Variants in CCNYL1 observed in about 807,000 individuals in gnomAD.
CCNYL1 encodes the protein cyclin-Y-like protein 1.
Under a neutral mutation model 44.2 loss-of-function variants are expected in CCNYL1, and 16 were observed. The observed-to-expected ratio is 0.36, with a 90% CI of 0.25 to 0.55. CCNYL1 has a LOEUF of 0.55. Ranked by LOEUF, CCNYL1 falls within the 20% of genes least tolerant of loss-of-function variation. The probability of loss-of-function intolerance (pLI) is 0.85; values close to 1 mark genes in which losing one functional copy is unlikely to be tolerated. For missense variants in CCNYL1, 348 were observed against 451.8 expected, an observed-to-expected ratio of 0.77 and a Z score of 2.08; for synonymous variants, 159 against 163.2, an observed-to-expected ratio of 0.97 and a Z score of 0.20.
chr2:207,717,415 C>T (rs190683324), intron 1 of CCNYL1, among the ~76,000 whole-genome samples: 3 of 152,252 alleles, frequency 2.0e-5, no homozygotes, highest in East Asian at 3.9e-4. Flanking sequence ...GGCTGTGTTC[C>T]AGATTTAGGG....
intron 4 of CCNYL1, among the ~76,000 whole-genome samples, chr2:207,734,574 A>T (rs965174965): frequency 8.0e-6 from 1 of 125,210 alleles, no homozygotes; most frequent in Non-Finnish European, 2.0e-5. Context: ...AAGTTTATTT[A>T]AAAACCAACA....
At position 207,729,704 on chromosome 2, in the gene CCNYL1, C is replaced by A. The variant is rs527791308; in HGVS notation, c.330+2828C>A. 7.2e-5 allele frequency among the ~76,000 whole-genome samples: 11 copies of A among 151,926 alleles called. No individual in the cohort carries two copies. The East Asian group carries it at 1.9e-3, about 27-fold the overall frequency. Reference sequence around the variant, plus strand: ...TCCCCTTTCCTTTCTCCTGTCCTATCCTTTCCTTTGCTTTTCTTTCTGAGA... The same window carrying A: ...TCCCCTTTCCTTTCTCCTGTCCTATACTTTCCTTTGCTTTTCTTTCTGAGA... On this transcript the variant is annotated intron_variant, in intron 3 of 9. Transcript: ENST00000295414.
intron 8 of CCNYL1, among the ~76,000 whole-genome samples, chr2:207,750,444 G>GT (rs781471037): frequency 9.2e-5 from 14 of 152,240 alleles, no homozygotes; most frequent in Non-Finnish European, 2.1e-4. Context: ...TGCCTCAAGA[G>GT]TTTTTCCCCC....
At chr2:207,725,600 A>G (rs557337284) in intron 2 of CCNYL1, among the ~76,000 whole-genome samples, 11 of 152,352 alleles carry the variant, frequency 7.2e-5, no homozygotes, top group African/African-American at 2.4e-4. Context: ...CTTTTATACA[A>G]TGCTCTAACC....
chr2:207,750,882 G>A (rs1270997854), intron 8 of CCNYL1, 75 bp from the exon 9 acceptor site: 1 of 1,308,802 alleles, frequency 7.6e-7, no homozygotes, highest in Admixed American at 2.0e-5. Context: ...TAGTCTCTTA[G>A]AATGATATTT....
intron 7 of CCNYL1, among the ~76,000 whole-genome samples, chr2:207,746,708 G>A (rs545057685): frequency 3.9e-5 from 6 of 152,286 alleles, no homozygotes; most frequent in Admixed American, 1.3e-4. Flanking sequence ...GGCCGGGCGC[G>A]GTGGCTTACG....
chr2:207,733,169 C>T (rs1055142554), intron 3 of CCNYL1, among the ~76,000 whole-genome samples: 2 of 152,154 alleles, frequency 1.3e-5, no homozygotes, highest in African/African-American at 4.8e-5. Flanking sequence ...CAAGGTATTC[C>T]AGGCAGAGCA....
chr2:207,713,493 G>T (rs911111888), intron 1 of CCNYL1, among the ~76,000 whole-genome samples: 7 of 152,160 alleles, frequency 4.6e-5, no homozygotes, highest in African/African-American at 1.7e-4. Flanking sequence ...TTTGCCTTTA[G>T]AATTTTGGAA....
intron 1 of CCNYL1, among the ~76,000 whole-genome samples, chr2:207,718,098 G>A (rs1051223101): frequency 6.6e-5 from 10 of 151,784 alleles, no homozygotes; most frequent in African/African-American, 2.4e-4. Context: ...TAGAGATGGG[G>A]TTTCTCCGTG....
intron 7 of CCNYL1, among the ~76,000 whole-genome samples, chr2:207,745,218 C>T (rs575946520): frequency 3.9e-5 from 6 of 152,176 alleles, no homozygotes; most frequent in African/African-American, 4.8e-5. Flanking sequence ...AAAGGAAACA[C>T]GTTGGGGAAA....
At chr2:207,753,015 G>A (rs1164082166) in intron 9 of CCNYL1, among the ~76,000 whole-genome samples, 1 of 150,120 alleles carries the variant, frequency 6.7e-6, no homozygotes, top group African/African-American at 2.5e-5. Context: ...GGCAACGAGC[G>A]AAACTCTGCC....
At chr2:207,718,514 AAAG>A (rs958436382) in intron 1 of CCNYL1, among the ~76,000 whole-genome samples, 12 of 152,216 alleles carry the variant, frequency 7.9e-5, no homozygotes, top group African/African-American at 2.9e-4. Context: ...AAAAAAAAAA[AAAG>A]ATCAGACTAG....
intron 2 of CCNYL1, 135 bp downstream of exon 2, chr2:207,725,009 AAT>A: frequency 1.6e-6 from 1 of 644,152 alleles, no homozygotes; most frequent in Admixed American, 3.3e-5. Context: ...CACTGATTTT[AAT>A]ATGTGATATA....
chr2:207,743,256 G>C (rs1230244399), intron 7 of CCNYL1, among the ~76,000 whole-genome samples: 4 of 152,220 alleles, frequency 2.6e-5, no homozygotes, highest in Admixed American at 2.6e-4. Context: ...CAGATGTAGA[G>C]AGACAGGTGA....
Position 207,711,754 on chromosome 2 carries a change from G to A in CCNYL1, c.-143G>A, listed in dbSNP as rs1453509733. On this transcript the variant is annotated 5_prime_UTR_variant, in exon 1 of 10. Coordinates refer to ENST00000295414, the MANE Select transcript of CCNYL1 (RefSeq NM_001330218.2). ...CGGGCGGGCGAACCGCGGGCGAGGC[G>A]GCGTCTGCTTGCGCGGTGCAGCCCC... The A allele has an allele frequency of 2.3e-6, 1 of 437,014 alleles. No homozygotes were observed. The highest frequency in any genetic ancestry group is 3.9e-5 in the East Asian group (1 of 25,648). 27.1% of individuals were successfully genotyped at this position (437,014 alleles called of 1,614,324 possible). A position where few individuals can be genotyped will look rare whatever the true frequency, so the allele number is the denominator to read the frequency against.
chr2:207,720,271 A>ATGAC, intron 1 of CCNYL1, among the ~76,000 whole-genome samples: 1 of 152,110 alleles, frequency 6.6e-6, no homozygotes, highest in Non-Finnish European at 1.5e-5. Context: ...AATTTATAGA[A>ATGAC]TGACTCATGG....
In CCNYL1 at chr2:207,734,049, T is replaced by G; in HGVS notation, c.431+2T>G. On this transcript the variant is annotated splice_donor_variant, in intron 4 of 9. Transcript: ENST00000295414. LOFTEE classifies it high-confidence loss of function. ...TAATCTTAGAACCACAGTAAAATGG[T>G]GAGTACAACTAGGCTGCCAAGGGCT... is the stretch of plus-strand genomic sequence containing the variant. The G allele has an allele frequency of 6.3e-7, 1 of 1,594,242 alleles. No individual in the cohort carries two copies. The highest frequency in any genetic ancestry group is 8.6e-7 in the Non-Finnish European group (1 of 1,161,914).
At chr2:207,714,772 T>G (rs900014767) in intron 1 of CCNYL1, 2 of 154,324 alleles carry the variant, frequency 1.3e-5, no homozygotes, top group African/African-American at 2.4e-5. Flanking sequence ...TATTTCAATT[T>G]GTCTCAAAAT....
At chr2:207,712,571 T>G (rs1213703810) in intron 1 of CCNYL1, among the ~76,000 whole-genome samples, 1 of 152,098 alleles carries the variant, frequency 6.6e-6, no homozygotes, top group South Asian at 2.1e-4. Flanking sequence ...TGTTCCTTCC[T>G]CCCATCCGTG....
Sources: allele counts gnomAD v4.1 joint callset (sites outside exome capture counted in the v4.1 genomes callset), GRCh38; gene constraint gnomAD v4.1.1; transcripts MANE v1.5; gene names NCBI Gene and HGNC (gene_info 2026-07-23, HGNC 2026-07-21).